The following AKAP13 variants were observed in gnomAD, a reference collection of about 807,000 sequenced individuals.
AKAP13 encodes A-kinase anchoring protein 13, also known as A-kinase anchor protein 13.
Under a neutral mutation model 264.5 loss-of-function variants are expected in AKAP13, and 80 were observed. That is an observed-to-expected ratio of 0.30 (90% CI 0.25 to 0.36). The LOEUF (loss-of-function observed/expected upper bound fraction) is 0.36, where lower values mean the gene tolerates loss of function less well. AKAP13 is among the 10% of genes least tolerant of loss of function. The pLI, the probability that AKAP13 is intolerant of heterozygous loss-of-function variation, is 1.00. For missense variants in AKAP13, 3,712 were observed against 3,435.2 expected (o/e 1.08, Z -2.01); for synonymous variants, 1,380 against 1,250.2 (o/e 1.10, Z -2.19).
intron 8 of AKAP13, among the ~76,000 whole-genome samples, chr15:85,623,043 A>G (rs1161038945): frequency 2.0e-5 from 3 of 152,212 alleles, no homozygotes; most frequent in Non-Finnish European, 2.9e-5. Flanking sequence ...CTAAAAAACC[A>G]TTTGGTAGTG....
In AKAP13 at chr15:85,529,630, A is replaced by G. The variant is rs577636620; in HGVS notation, c.182-3954A>G. Reference sequence around the variant, plus strand: ...TTACCCCCCAGGTGCTTTATCAGAAAGGTTATAGGAATTAAAAAATAATCT... The same window carrying G: ...TTACCCCCCAGGTGCTTTATCAGAAGGGTTATAGGAATTAAAAAATAATCT... On this transcript the variant is annotated intron_variant, in intron 3 of 36. Transcript: ENST00000394518. 2.0e-5 allele frequency among the ~76,000 whole-genome samples: 3 copies of G among 152,338 alleles called. No individual in the cohort carries two copies. In the East Asian group the frequency reaches 5.8e-4, roughly 29 times the overall value.
intron 10 of AKAP13, among the ~76,000 whole-genome samples, chr15:85,650,770 A>AC (rs1422738789): frequency 1.4e-5 from 2 of 139,926 alleles, no homozygotes; most frequent in African/African-American, 5.3e-5. Context: ...AAAAAAAAAA[A>AC]AAAAAAAAAA....
intron 12 of AKAP13, among the ~76,000 whole-genome samples, chr15:85,662,995 C>G (rs1270714733): frequency 6.6e-6 from 1 of 152,192 alleles, no homozygotes; most frequent in African/African-American, 2.4e-5. Context: ...TTAGCCCCTC[C>G]TCTTATCCCT....
At chr15:85,384,678 C>T (rs190782961) in intron 1 of AKAP13, among the ~76,000 whole-genome samples, 132 of 149,722 alleles carry the variant, frequency 8.8e-4, no homozygotes, top group Non-Finnish European at 1.2e-3. Flanking sequence ...GATCATGCCA[C>T]TGTGCTCCAG....
chr15:85,587,621 T>C (rs1014188255), intron 8 of AKAP13, among the ~76,000 whole-genome samples: 3 of 152,182 alleles, frequency 2.0e-5, no homozygotes, highest in South Asian at 2.1e-4. Context: ...TATTTTTCTT[T>C]GTTTAAAGCT....
At chr15:85,490,317 A>G (rs1373151785) in intron 2 of AKAP13, among the ~76,000 whole-genome samples, 1 of 152,220 alleles carries the variant, frequency 6.6e-6, no homozygotes, top group Non-Finnish European at 1.5e-5. Flanking sequence ...TGATGCCATC[A>G]TTGGGTATAG....
chr15:85,535,799 CTTT>C (rs60026361), intron 4 of AKAP13: 9 of 138,258 alleles, frequency 6.5e-5, no homozygotes, highest in Non-Finnish European at 7.8e-5. Context: ...CTTTCTCTCT[CTTT>C]TTTTTTTTTT....
Position 85,579,186 on chromosome 15 carries a change from A to G in AKAP13, c.1118A>G (p.Asn373Ser). 1 of 1,614,244 alleles carries G rather than the reference A, an allele frequency of 6.2e-7. No homozygotes were observed. Among genetic ancestry groups the G allele is most frequent in the Non-Finnish European group, 8.5e-7 (1 of 1,180,044 alleles). The part of the protein sequence containing the change: ...ENTDRSCRKK[N>S]KGVERKGEEV... ...ACAGACCGTTCCTGTAGGAAGAAAA[A>G]TAAAGGCGTGGAAAGAAAAGGGGAA... Residue 373 changes from asparagine to serine, a missense_variant, in exon 7 of 37, where the codon AAT becomes AGT. This residue lies in a region of AKAP13 where 2,759 missense variants were observed against 2,411.7 expected (regional missense o/e 1.14). Coordinates refer to ENST00000394518, the MANE Select transcript of AKAP13 (RefSeq NM_007200.5).
intron 5 of AKAP13, among the ~76,000 whole-genome samples, chr15:85,554,964 CCTT>C (rs1291027594): frequency 6.6e-6 from 1 of 152,066 alleles, no homozygotes; most frequent in Non-Finnish European, 1.5e-5. Flanking sequence ...CAAGGATGTG[CCTT>C]CTTTTTCTTT....
intron 1 of AKAP13, among the ~76,000 whole-genome samples, chr15:85,381,381 G>C (rs1485184321): frequency 6.6e-6 from 1 of 151,978 alleles, no homozygotes; most frequent in African/African-American, 2.4e-5. Flanking sequence ...TGACCCGCGC[G>C]GGTCGCAGGC....
intron 5 of AKAP13, among the ~76,000 whole-genome samples, chr15:85,568,553 G>T (rs1243273607): frequency 6.6e-6 from 1 of 152,164 alleles, no homozygotes; most frequent in East Asian, 1.9e-4. Context: ...AATGGTGATG[G>T]CCCGGCAGAA....
At chr15:85,726,935 C>A in intron 27 of AKAP13, 131 bp from the exon 28 acceptor site, 1 of 933,224 alleles carries the variant, frequency 1.1e-6, no homozygotes, top group Non-Finnish European at 1.6e-6. Flanking sequence ...TTCTCTTTAT[C>A]CTAAAGTAGC....
intron 3 of AKAP13, among the ~76,000 whole-genome samples, chr15:85,523,994 G>A (rs1339193323): frequency 6.6e-6 from 1 of 152,180 alleles, no homozygotes; most frequent in African/African-American, 2.4e-5. Flanking sequence ...TCCAGTCTTC[G>A]TGGAAAGTCC....
In AKAP13 at chr15:85,735,483, A is replaced by T. The variant is rs889046020; in HGVS notation, c.7442-77A>T. 1.2e-4 allele frequency: 170 copies of T among 1,451,050 alleles called. No individual in the cohort carries two copies. The East Asian group carries it at 3.8e-3, about 33-fold the overall frequency. 89.9% of individuals were successfully genotyped at this position (1,451,050 alleles called of 1,614,324 possible). ...GTTTCAGACATACTACATCCCCAAG[A>T]TGCCTATATGATATTCTTTCCTTGG... On this transcript the variant is annotated intron_variant, in intron 31 of 36. Transcript: ENST00000394518.
intron 8 of AKAP13, among the ~76,000 whole-genome samples, chr15:85,630,902 A>C (rs1265164420): frequency 6.6e-6 from 1 of 152,214 alleles, no homozygotes; most frequent in Non-Finnish European, 1.5e-5. Flanking sequence ...TATGTAACCC[A>C]GCAGTTCCAG....
At chr15:85,631,936 T>A (rs1177444734) in intron 8 of AKAP13, among the ~76,000 whole-genome samples, 1 of 152,202 alleles carries the variant, frequency 6.6e-6, no homozygotes, top group African/African-American at 2.4e-5. Flanking sequence ...GGAATATAAG[T>A]TGTCTCTTTG....
chr15:85,556,440 A>G (rs1229151281), intron 5 of AKAP13, among the ~76,000 whole-genome samples: 3 of 152,164 alleles, frequency 2.0e-5, no homozygotes, highest in African/African-American at 7.2e-5. Context: ...ATCATTCCAT[A>G]TATGGTCTAT....
At chr15:85,730,927 T>C (rs2087957745) in intron 30 of AKAP13, among the ~76,000 whole-genome samples, 1 of 151,628 alleles carries the variant, frequency 6.6e-6, no homozygotes, top group Non-Finnish European at 1.5e-5. Context: ...CCACATGCTC[T>C]GTCCCCATCA....
Position 85,744,756 on chromosome 15 carries a change from C to T in AKAP13, c.*79C>T, listed in dbSNP as rs1029876948. 7.3e-7 allele frequency: 1 copy of T among 1,361,176 alleles called. No individual in the cohort carries two copies. Among genetic ancestry groups the T allele is most frequent in the Admixed American group, 2.3e-5 (1 of 43,680 alleles). 84.3% of individuals were successfully genotyped at this position (1,361,176 alleles called of 1,614,324 possible). A position where few individuals can be genotyped will look rare whatever the true frequency, so the allele number is the denominator to read the frequency against. On this transcript the variant is annotated 3_prime_UTR_variant, in exon 37 of 37. Coordinates refer to ENST00000394518, the MANE Select transcript of AKAP13 (RefSeq NM_007200.5). The stretch of plus-strand genomic sequence containing the variant: ...TCCTGCTGTCCCCGCGTGCACAAGT[C>T]TCTTACACTGGACGCCCACTGCTCC...
Sources: allele counts gnomAD v4.1 joint callset (sites outside exome capture counted in the v4.1 genomes callset), GRCh38; gene constraint gnomAD v4.1.1; regional missense constraint gnomAD v4.1.1; transcripts MANE v1.5; gene names NCBI Gene and HGNC (gene_info 2026-07-23, HGNC 2026-07-21).